The following ATP8A1 variants were observed in gnomAD, a reference collection of about 807,000 sequenced individuals.
ATP8A1 encodes ATPase phospholipid transporting 8A1.
Under a neutral mutation model 177.7 loss-of-function variants are expected in ATP8A1, and 90 were observed. The observed-to-expected ratio is 0.51, with a 90% CI of 0.43 to 0.60. The LOEUF (loss-of-function observed/expected upper bound fraction) is 0.60, where lower values mean the gene tolerates loss of function less well. Ranked by LOEUF, ATP8A1 falls within the 20% of genes least tolerant of loss-of-function variation. The probability of loss-of-function intolerance (pLI) is 0.00; values close to 1 mark genes in which losing one functional copy is unlikely to be tolerated. For missense variants in ATP8A1, 1,072 were observed against 1,392.8 expected (o/e 0.77, Z 3.67); for synonymous variants, 493 against 485.9 (o/e 1.01, Z -0.19).
intron 20 of ATP8A1, among the ~76,000 whole-genome samples, chr4:42,526,112 C>A (rs1025204719): frequency 1.3e-5 from 2 of 151,934 alleles, no homozygotes; most frequent in African/African-American, 4.8e-5. Flanking sequence ...ATCATGAAAA[C>A]AAAAGTGATA....
intron 15 of ATP8A1, among the ~76,000 whole-genome samples, chr4:42,556,666 G>A (rs1304612863): frequency 2.6e-5 from 4 of 151,954 alleles, no homozygotes; most frequent in African/African-American, 9.7e-5. Flanking sequence ...TACTTCATAC[G>A]ATATAAATGG....
intron 22 of ATP8A1, among the ~76,000 whole-genome samples, chr4:42,510,754 T>A (rs192086929): frequency 4.6e-4 from 70 of 152,224 alleles, no homozygotes; most frequent in African/African-American, 1.7e-3. Flanking sequence ...ATAAAATACA[T>A]TACCACTCAC....
chr4:42,568,243 T>A (rs114105983), intron 15 of ATP8A1, among the ~76,000 whole-genome samples: 2 of 152,144 alleles, frequency 1.3e-5, no homozygotes, highest in Non-Finnish European at 1.5e-5. Flanking sequence ...TTACTGAAAA[T>A]TTTTACCAAA....
At chr4:42,594,474 G>A in intron 6 of ATP8A1, 2 of 639,212 alleles carry the variant, frequency 3.1e-6, no homozygotes, top group Non-Finnish European at 5.6e-6. Flanking sequence ...CGGCAAACAA[G>A]AACCACTTAT....
At chr4:42,517,074 G>T (rs1231499436) in intron 22 of ATP8A1, among the ~76,000 whole-genome samples, 7 of 151,416 alleles carry the variant, frequency 4.6e-5, no homozygotes, top group Non-Finnish European at 1.0e-4. Context: ...GCCAAGGGGG[G>T]GTGGATCACG....
chr4:42,472,031 A>G, intron 25 of ATP8A1: 1 of 721,232 alleles, frequency 1.4e-6, no homozygotes. Context: ...CTTTCCAGAA[A>G]ATCCAACTCT....
chr4:42,613,090 G>A (rs1157994071), intron 5 of ATP8A1, among the ~76,000 whole-genome samples: 1 of 152,130 alleles, frequency 6.6e-6, no homozygotes, highest in Non-Finnish European at 1.5e-5. Context: ...AAAGCAAATT[G>A]AATTTCATTC....
chr4:42,445,360 AC>A, intron 31 of ATP8A1, among the ~76,000 whole-genome samples: 1 of 152,330 alleles, frequency 6.6e-6, no homozygotes, highest in Admixed American at 6.5e-5. Context: ...CGACTCCTAT[AC>A]TTGTAAACTG....
chr4:42,504,543 A>C (rs1724175116), intron 23 of ATP8A1, among the ~76,000 whole-genome samples: 1 of 152,212 alleles, frequency 6.6e-6, no homozygotes, highest in African/African-American at 2.4e-5. Flanking sequence ...CAAGAACCTA[A>C]CAACTTCTTA....
intron 20 of ATP8A1, among the ~76,000 whole-genome samples, chr4:42,539,179 T>G (rs1486098912): frequency 2.6e-5 from 4 of 151,974 alleles, no homozygotes; most frequent in African/African-American, 9.7e-5. Context: ...CATCATATGT[T>G]CTCACTCATA....
At chr4:42,612,720 G>C (rs1236777521) in intron 5 of ATP8A1, among the ~76,000 whole-genome samples, 6 of 151,860 alleles carry the variant, frequency 4.0e-5, no homozygotes, top group African/African-American at 7.3e-5. Context: ...TCCATAATTC[G>C]ATCCCTGATT....
intron 5 of ATP8A1, among the ~76,000 whole-genome samples, chr4:42,607,567 A>G (rs1233702292): frequency 6.6e-6 from 1 of 152,026 alleles, no homozygotes; most frequent in African/African-American, 2.4e-5. Context: ...AACAATGCCC[A>G]GCCTGTGATG....
chr4:42,555,896 A>G (rs1326156126), intron 16 of ATP8A1, 72 bp downstream of exon 16: 5 of 982,106 alleles, frequency 5.1e-6, no homozygotes, highest in Non-Finnish European at 7.7e-6. Flanking sequence ...ATGTAAACAT[A>G]GAAGATAGTT....
intron 6 of ATP8A1, among the ~76,000 whole-genome samples, chr4:42,595,878 T>C (rs893678572): frequency 6.6e-6 from 1 of 152,206 alleles, no homozygotes; most frequent in Non-Finnish European, 1.5e-5. Flanking sequence ...GAAGGGCTTG[T>C]GGTTCCTAAA....
intron 4 of ATP8A1, among the ~76,000 whole-genome samples, chr4:42,619,778 T>G (rs538195738): frequency 6.6e-6 from 1 of 152,288 alleles, no homozygotes; most frequent in East Asian, 1.9e-4. Flanking sequence ...AGCTCTCCAC[T>G]TCCATGGACC....
intron 24 of ATP8A1, among the ~76,000 whole-genome samples, chr4:42,488,377 T>G (rs1360475631): frequency 6.6e-6 from 1 of 151,912 alleles, no homozygotes; most frequent in African/African-American, 2.4e-5. Flanking sequence ...CGGTAGCCTG[T>G]CTTTTTCTAT....
intron 1 of ATP8A1, among the ~76,000 whole-genome samples, chr4:42,642,888 C>T (rs1362352638): frequency 6.6e-6 from 1 of 152,168 alleles, no homozygotes; most frequent in Non-Finnish European, 1.5e-5. Context: ...CAAAACCACT[C>T]CAGCGTTTTT....
rs569178122 is a variant in ATP8A1, at chr4:42,657,103, C to G, written c.-230G>C. 8.1e-6 allele frequency: 3 copies of G among 369,158 alleles called. No individual in the cohort carries two copies. The highest frequency in any genetic ancestry group is 1.5e-4 in the South Asian group (1 of 6,576). 22.9% of individuals were successfully genotyped at this position (369,158 alleles called of 1,614,324 possible). Reference sequence around the variant, plus strand: ...CGGCGCCCGCAGAGCTGGGCGAGCTCTTGCTGCAGCCGCGGAGGGGCGGCT... The same window carrying G: ...CGGCGCCCGCAGAGCTGGGCGAGCTGTTGCTGCAGCCGCGGAGGGGCGGCT... On this transcript the variant is annotated 5_prime_UTR_variant, in exon 1 of 37. Transcript: ENST00000381668.
chr4:42,426,762 T>G (rs1424778462), intron 33 of ATP8A1, among the ~76,000 whole-genome samples: 1 of 152,250 alleles, frequency 6.6e-6, no homozygotes. Context: ...ATTTATAAAT[T>G]TTATGATGTT....
Sources: gnomAD v4.1 joint callset for allele counts (sites outside exome capture counted in the v4.1 genomes callset) on GRCh38, gnomAD v4.1.1 for gene constraint, MANE v1.5 for transcripts, NCBI Gene and HGNC (gene_info 2026-07-23, HGNC 2026-07-21) for gene names.